Variants in CCDC187 observed in about 807,000 individuals in gnomAD.
CCDC187 encodes the protein coiled-coil domain-containing protein 187.
In CCDC187, 32 loss-of-function variants were observed where a neutral mutation model predicts 38.0. That is an observed-to-expected ratio of 0.84 (90% CI 0.64 to 1.13). The LOEUF is 1.13. Ranked by LOEUF, CCDC187 falls within the 50% of genes most tolerant of loss-of-function variation. CCDC187 has a pLI of 0.00. For missense variants in CCDC187, 707 were observed against 786.8 expected (o/e 0.90, Z 1.21); for synonymous variants, 333 against 347.9 (o/e 0.96, Z 0.48).
chr9:136,250,857 C>T lies in CCDC187; in HGVS notation c.*2737G>A, dbSNP rs377409086. On this transcript the variant is annotated 3_prime_UTR_variant, in exon 26 of 26. Coordinates refer to ENST00000638797, the MANE Select transcript of CCDC187 (RefSeq NM_001378188.1). ...AGAAGGCAGGCTGGGTCCAGCTGCT[C>T]CCGGGCGAGGGGTGTCTGGAGAGGG... 5.2e-4 allele frequency: 236 copies of T among 455,670 alleles called. 3 individuals carry two copies. The East Asian group carries it at 8.4e-3, about 16-fold the overall frequency. The allele number at this position is 455,670 out of a possible 1,614,324, so 28.2% of individuals were successfully genotyped here. A position where few individuals can be genotyped will look rare whatever the true frequency, so the allele number is the denominator to read the frequency against.
intron 2 of CCDC187, among the ~76,000 whole-genome samples, chr9:136,301,107 C>T (rs1831670350): frequency 1.3e-5 from 2 of 152,324 alleles, no homozygotes; most frequent in Admixed American, 6.5e-5. Context: ...GACCACGTAG[C>T]ACCAGGAAGG....
rs1459436309 is a variant in CCDC187 at position 136,273,241 on chromosome 9, T to A, written c.3442+1417A>T. ...GCAGAGATTGCCAGATTGATTTTTT[T>A]AAGCAAGATCCAACTCTATGCTGCC... is the stretch of plus-strand genomic sequence containing the variant. On this transcript the variant is annotated intron_variant, in intron 14 of 25. Transcript: ENST00000638797. 3.3e-5 allele frequency among the ~76,000 whole-genome samples: 5 copies of A among 152,214 alleles called. No homozygotes were observed. The East Asian group carries it at 9.6e-4, about 29-fold the overall frequency.
upstream of CCDC187, chr9:136,306,876 G>A (rs1467448263): frequency 6.6e-6 from 1 of 152,288 alleles, no homozygotes; most frequent in African/African-American, 2.4e-5. Context: ...ACATGCGGCT[G>A]TCTCTGAGGC....
chr9:136,298,365 T>C (rs889422796), intron 3 of CCDC187, among the ~76,000 whole-genome samples: 71 of 151,820 alleles, frequency 4.7e-4, no homozygotes, highest in African/African-American at 1.5e-3. Flanking sequence ...CCTCTGCCGA[T>C]GGGGAGGAGA....
rs1554760447 is a variant in CCDC187 at position 136,257,384 on chromosome 9, TA to T, written c.4367-544del. Among the ~76,000 whole-genome samples, 27 of 136,442 alleles carry T rather than the reference TA, an allele frequency of 2.0e-4. No homozygotes were observed. Among genetic ancestry groups the T allele is most frequent in the Non-Finnish European group, 4.1e-4 (25 of 60,416 alleles). The allele number at this position is 136,442 out of a possible 152,430, so 89.5% of individuals were successfully genotyped here. A position where few individuals can be genotyped will look rare whatever the true frequency, so the allele number is the denominator to read the frequency against. On this transcript the variant is annotated intron_variant, in intron 22 of 25. Transcript: ENST00000638797. This position sits in a 1 kb window ranked among gnomAD's most constrained non-coding sequence, Gnocchi z 4.5. ...AGACTTTGTCTCAAAATTATAATAATAATAATAATAATAATAATAATAATTT... is the reference window on the plus strand; with the variant it reads ...AGACTTTGTCTCAAAATTATAATAATATAATAATAATAATAATAATAATTT...
chr9:136,304,043 G>T lies in CCDC187; in HGVS notation c.-213C>A, dbSNP rs1037367119. On this transcript the variant is annotated 5_prime_UTR_variant, in exon 1 of 26. Coordinates refer to ENST00000638797, the MANE Select transcript of CCDC187 (RefSeq NM_001378188.1). ...CAGGTGGGTCATTGAAACTGGGCTG[G>T]CACGGTGGGCAGCCCGGCCCTGGGC... 1.3e-4 allele frequency: 20 copies of T among 152,224 alleles called. No homozygotes were observed. The highest frequency in any genetic ancestry group is 5.9e-5 in the Non-Finnish European group (4 of 68,070). The allele number at this position is 152,224 out of a possible 1,614,324, so 9.4% of individuals were successfully genotyped here. A position where few individuals can be genotyped will look rare whatever the true frequency, so the allele number is the denominator to read the frequency against.
rs1485898817 is a variant in CCDC187, at chr9:136,264,996, C to T, written c.3735+960G>A. On this transcript the variant is annotated intron_variant, in intron 17 of 25. Coordinates refer to ENST00000638797, the MANE Select transcript of CCDC187 (RefSeq NM_001378188.1). This position sits in a 1 kb window ranked among gnomAD's most constrained non-coding sequence, Gnocchi z 4.3. ...CACATTCCTGGGCTCAAGCGATCCT[C>T]CCACCTTGGCCTCCCAAAGTGCTGG... 6.6e-6 allele frequency among the ~76,000 whole-genome samples: 1 copy of T among 152,224 alleles called. No homozygotes were observed. Among genetic ancestry groups the T allele is most frequent in the Non-Finnish European group, 1.5e-5 (1 of 68,030 alleles).
At chr9:136,285,660 G>C (rs954286202) in intron 8 of CCDC187, 54 bp from the exon 9 acceptor site, 4 of 399,338 alleles carry the variant, frequency 1.0e-5, no homozygotes, top group African/African-American at 2.1e-5. Context: ...AGCACGGGAC[G>C]GGGGACCCAA....
At chr9:136,281,064 C>T (rs1458719195) in intron 10 of CCDC187, 1 of 233,716 alleles carries the variant, frequency 4.3e-6, no homozygotes, top group African/African-American at 2.2e-5. Flanking sequence ...CTCCAGCTGC[C>T]CTGCCAAGCC....
At chr9:136,275,754 G>A (rs1009098272) in intron 12 of CCDC187, among the ~76,000 whole-genome samples, 1,759 of 152,324 alleles carry the variant, frequency 0.012, 44 homozygotes, top group African/African-American at 0.04. Context: ...TTTCGGAGGG[G>A]ACACTATTGG....
chr9:136,287,128 G>A (rs1244377970), intron 7 of CCDC187, among the ~76,000 whole-genome samples: 6 of 152,200 alleles, frequency 3.9e-5, no homozygotes, highest in Admixed American at 2.6e-4. Flanking sequence ...ATCGAGGGAC[G>A]AACGGAGAAG....
intron 4 of CCDC187, among the ~76,000 whole-genome samples, chr9:136,292,607 G>A (rs923930235): frequency 6.6e-6 from 1 of 152,194 alleles, no homozygotes; most frequent in African/African-American, 2.4e-5. Context: ...CAGCTCTGCC[G>A]GTGAAGCTCT....
At chr9:136,289,764 G>C (rs1324877968) in intron 7 of CCDC187, among the ~76,000 whole-genome samples, 195 bp downstream of exon 7, 3 of 152,206 alleles carry the variant, frequency 2.0e-5, no homozygotes, top group African/African-American at 4.8e-5. Flanking sequence ...GCCTCCATGA[G>C]AACAAGCACA....
intron 14 of CCDC187, among the ~76,000 whole-genome samples, chr9:136,273,587 T>C (rs1830876561): frequency 6.6e-6 from 1 of 152,192 alleles, no homozygotes; most frequent in African/African-American, 2.4e-5. Flanking sequence ...TTCCAGTCTC[T>C]TATTCATCGA....
rs1488556722 is a variant in CCDC187 at position 136,294,237 on chromosome 9, C to T, written c.833-1942G>A. ...TCACACGCTCATATACACACGCCCT[C>T]ACGTGGTCTCACACTCTCACGCGCT... On this transcript the variant is annotated intron_variant, in intron 4 of 25. Transcript: ENST00000638797. 1.6e-4 allele frequency among the ~76,000 whole-genome samples: 24 copies of T among 151,860 alleles called. No homozygotes were observed. The East Asian group carries it at 3.3e-3, about 21-fold the overall frequency.
Position 136,254,404 on chromosome 9 carries a change from G to T in CCDC187, c.5424C>A (p.Ser1808=), listed in dbSNP as rs576566554. ...TCCCAGAAGCTTCCCGCCCCTCCCC[G>T]GACCGTGGGGAGGGAGGAGCCACCT... ...EPQVAPPSPR[S]GEGREASGTS... Residue 1808 remains serine, a synonymous_variant, in exon 26 of 26, where the codon TCC becomes TCA. Coordinates refer to ENST00000638797, the MANE Select transcript of CCDC187 (RefSeq NM_001378188.1). The T allele has an allele frequency of 5.1e-6, 5 of 983,806 alleles. No homozygotes were observed. The highest frequency in any genetic ancestry group is 1.8e-5 in the African/African-American group (1 of 56,860). 60.9% of individuals were successfully genotyped at this position (983,806 alleles called of 1,614,324 possible).
In CCDC187 at chr9:136,293,479, ACT is replaced by A. The variant is rs1325631054; in HGVS notation, c.833-1186_833-1185del. On this transcript the variant is annotated intron_variant, in intron 4 of 25. Transcript: ENST00000638797. ...CACACTCACACTCACATGCTCACAC[ACT>A]CACAAACACATGCTCACACACTCAC... 8.5e-3 allele frequency among the ~76,000 whole-genome samples: 1,231 copies of A among 144,922 alleles called. 32 individuals carry two copies. Among genetic ancestry groups the A allele is most frequent in the African/African-American group, 0.031 (1,171 of 37,662 alleles).
At chr9:136,281,995 G>T (rs1392835739) in intron 9 of CCDC187, among the ~76,000 whole-genome samples, 1 of 152,170 alleles carries the variant, frequency 6.6e-6, no homozygotes, top group South Asian at 2.1e-4. Flanking sequence ...CTGGCTGCTC[G>T]GAGCTCTGCA....
chr9:136,292,283 A>C lies in CCDC187; in HGVS notation c.845T>G (p.Val282Gly). The change falls in exon 5 of 26, where the codon GTT (valine) becomes GGT (glycine). Residue 282 changes from valine (V) to glycine (G), a missense_variant. Physicochemically the swap from Val to Gly is moderately radical, Grantham distance 109. Transcript: ENST00000638797. ...TCCCTTTCTCCAGGCGTAAACACCA[A>C]CCAGCTCCGAATCTTAAACAGAGAA... ...DKHKDEDSEL[V>G]GVYAWRKGQA... The C allele has an allele frequency of 2.5e-6, 1 of 398,734 alleles. No homozygotes were observed. Among genetic ancestry groups the C allele is most frequent in the Non-Finnish European group, 4.4e-6 (1 of 226,130 alleles). The allele number at this position is 398,734 out of a possible 1,614,324, so 24.7% of individuals were successfully genotyped here.
Sources: gnomAD v4.1 joint callset for allele counts (sites outside exome capture counted in the v4.1 genomes callset) on GRCh38, gnomAD v4.1.1 for gene constraint, Gnocchi (gnomAD v3.1) non-coding constraint, MANE v1.5 for transcripts, NCBI Gene and HGNC (gene_info 2026-07-23, HGNC 2026-07-21) for gene names.